The following RABGAP1L variants were observed in gnomAD, a reference collection of about 807,000 sequenced individuals.
The protein encoded by RABGAP1L is RAB GTPase activating protein 1 like, also known as rab GTPase-activating protein 1-like.
In RABGAP1L, 63 loss-of-function variants were observed where a neutral mutation model predicts 137.7. The ratio of observed to expected loss-of-function variants is 0.46; its 90% CI spans 0.37 to 0.56. RABGAP1L has a LOEUF of 0.56. Ranked by LOEUF, RABGAP1L falls within the 20% of genes least tolerant of loss-of-function variation. RABGAP1L has a pLI of 0.00. For missense variants in RABGAP1L, 1,095 were observed against 1,244.0 expected (o/e 0.88, Z 1.80); for synonymous variants, 431 against 433.7 (o/e 0.99, Z 0.08).
chr1:174,626,726 G>A lies in RABGAP1L; in HGVS notation c.1711-10649G>A, dbSNP rs914418264. On this transcript the variant is annotated intron_variant, in intron 13 of 25. Coordinates refer to ENST00000681986, the MANE Select transcript of RABGAP1L (RefSeq NM_001366446.1). ...CAGCCCTTTTGTATTATTGTCTCTA[G>A]TTCATGATTTTAGTAGCATGTTTGC... Among the ~76,000 whole-genome samples the A allele has an allele frequency of 3.3e-5, 5 of 152,140 alleles. No homozygotes were observed. In the East Asian group the frequency reaches 9.6e-4, roughly 29 times the overall value.
At chr1:174,678,278 C>A (rs1011702084) in intron 14 of RABGAP1L, among the ~76,000 whole-genome samples, 1 of 152,028 alleles carries the variant, frequency 6.6e-6, no homozygotes, top group African/African-American at 2.4e-5. Context: ...ATACTCTAGG[C>A]CCAGATGGTT....
intron 13 of RABGAP1L, among the ~76,000 whole-genome samples, chr1:174,467,096 C>T (rs944211473): frequency 6.6e-6 from 1 of 152,168 alleles, no homozygotes; most frequent in African/African-American, 2.4e-5. Context: ...GATCTAAAAA[C>T]CCTTTAAATG....
intron 6 of RABGAP1L, among the ~76,000 whole-genome samples, chr1:174,252,198 TTG>T (rs1168334620): frequency 6.6e-6 from 1 of 152,196 alleles, no homozygotes; most frequent in Admixed American, 6.5e-5. Context: ...CTTGGCCATG[TTG>T]TCTTTTTTAA....
At chr1:174,848,599 CT>C (rs1383977001) in intron 19 of RABGAP1L, among the ~76,000 whole-genome samples, 5 of 146,832 alleles carry the variant, frequency 3.4e-5, no homozygotes, top group South Asian at 2.1e-4. Context: ...AGATCTCCAG[CT>C]GCTTGCTGGG....
At chr1:174,263,877 G>A in intron 7 of RABGAP1L, among the ~76,000 whole-genome samples, 1 of 151,588 alleles carries the variant, frequency 6.6e-6, no homozygotes, top group Non-Finnish European at 1.5e-5. Flanking sequence ...TTTTTTGGGG[G>A]GCCGGGGGAT....
In RABGAP1L at chr1:174,799,763, CAGCAGCAGCAGT is replaced by C. The variant is rs1349286913; in HGVS notation, c.2212-12057_2212-12046del. On this transcript the variant is annotated intron_variant, in intron 18 of 25. Coordinates refer to ENST00000681986, the MANE Select transcript of RABGAP1L (RefSeq NM_001366446.1). ...ATTACTGATTCACAGCGAGAGGCAG[CAGCAGCAGCAGT>C]AGCAGCAGCAGCAGCAACAACAGCG... is the stretch of plus-strand genomic sequence containing the variant. The C allele has an allele frequency of 1.8e-5, 15 of 838,024 alleles. No individual in the cohort carries two copies. The East Asian group carries it at 1.4e-3, about 76-fold the overall frequency. The allele number at this position is 838,024 out of a possible 1,614,324, so 51.9% of individuals were successfully genotyped here.
At chr1:174,264,373 A>C (rs1673868137) in intron 7 of RABGAP1L, among the ~76,000 whole-genome samples, 2 of 152,068 alleles carry the variant, frequency 1.3e-5, no homozygotes, top group Admixed American at 1.3e-4. Context: ...TCTCAAAGAC[A>C]TTGTTTAAGC....
intron 19 of RABGAP1L, among the ~76,000 whole-genome samples, chr1:174,831,263 T>A (rs749955293): frequency 1.4e-5 from 2 of 148,108 alleles, no homozygotes; most frequent in Non-Finnish European, 3.0e-5. Context: ...AATTAAAGAC[T>A]AAGAGAGTAC....
At chr1:174,832,784 A>G (rs1692251235) in intron 19 of RABGAP1L, among the ~76,000 whole-genome samples, 1 of 152,292 alleles carries the variant, frequency 6.6e-6, no homozygotes, top group African/African-American at 2.4e-5. Context: ...TGCCACTCCT[A>G]CATATTTTTC....
chr1:174,338,804 G>A (rs925464105), intron 11 of RABGAP1L, among the ~76,000 whole-genome samples: 3 of 151,872 alleles, frequency 2.0e-5, no homozygotes, highest in Non-Finnish European at 4.4e-5. Flanking sequence ...ATATGAATTG[G>A]TACTCTGAAA....
intron 13 of RABGAP1L, among the ~76,000 whole-genome samples, chr1:174,575,747 G>C (rs763468982): frequency 1.3e-5 from 2 of 152,112 alleles, no homozygotes; most frequent in African/African-American, 4.8e-5. Context: ...GCAATGCAGC[G>C]GGGCTCTCTT....
intron 13 of RABGAP1L, among the ~76,000 whole-genome samples, chr1:174,615,728 C>T (rs1671772916): frequency 6.6e-6 from 1 of 152,226 alleles, no homozygotes; most frequent in South Asian, 2.1e-4. Context: ...TGGTGGGCTC[C>T]ATCCAGTTCG....
intron 3 of RABGAP1L, among the ~76,000 whole-genome samples, chr1:174,229,014 AAC>A (rs1446543339): frequency 5.0e-5 from 7 of 140,918 alleles, no homozygotes; most frequent in African/African-American, 1.9e-4. Context: ...GAATAAAATG[AAC>A]AGTTTTTTTT....
chr1:174,356,149 GT>G (rs1193047507), intron 11 of RABGAP1L, among the ~76,000 whole-genome samples: 1 of 152,090 alleles, frequency 6.6e-6, no homozygotes, highest in Non-Finnish European at 1.5e-5. Flanking sequence ...AGTTAGACAA[GT>G]ATCATTATTA....
At chr1:174,680,596 C>T (rs573702944) in intron 14 of RABGAP1L, among the ~76,000 whole-genome samples, 3 of 152,118 alleles carry the variant, frequency 2.0e-5, no homozygotes, top group African/African-American at 7.2e-5. Flanking sequence ...TAGGAACCAA[C>T]AATAATGAGA....
At chr1:174,957,710 C>A in intron 20 of RABGAP1L, 161 bp downstream of exon 20, 2 of 919,220 alleles carry the variant, frequency 2.2e-6, no homozygotes, top group South Asian at 1.5e-5. Context: ...AGCCACCATT[C>A]CCAGCAAAGT....
intron 19 of RABGAP1L, among the ~76,000 whole-genome samples, chr1:174,891,122 G>A (rs947887212): frequency 1.2e-4 from 19 of 152,164 alleles, no homozygotes; most frequent in Non-Finnish European, 2.4e-4. Context: ...CCTATTTAAA[G>A]GTGGAAACTT....
intron 3 of RABGAP1L, among the ~76,000 whole-genome samples, chr1:174,222,860 G>A (rs994032180): frequency 6.6e-6 from 1 of 152,110 alleles, no homozygotes; most frequent in African/African-American, 2.4e-5. Context: ...TTTTTGCCAG[G>A]CATGGTGGCT....
intron 13 of RABGAP1L, among the ~76,000 whole-genome samples, chr1:174,605,867 T>C (rs941976566): frequency 1.3e-5 from 2 of 152,236 alleles, no homozygotes; most frequent in African/African-American, 4.8e-5. Context: ...TATTTGTAAA[T>C]TGATGATTTA....
Sources: gnomAD v4.1 joint callset for allele counts (sites outside exome capture counted in the v4.1 genomes callset) on GRCh38, gnomAD v4.1.1 for gene constraint, MANE v1.5 for transcripts, NCBI Gene and HGNC (gene_info 2026-07-23, HGNC 2026-07-21) for gene names.